The following LRRTM4 variants were observed in gnomAD, a reference collection of about 807,000 sequenced individuals.
LRRTM4 encodes leucine rich repeat transmembrane neuronal 4.
LRRTM4 carries 25 observed loss-of-function variants against 47.6 expected under a neutral mutation model. The observed-to-expected ratio is 0.53, with a 90% CI of 0.38 to 0.73. The LOEUF is 0.73. Ranked by LOEUF, LRRTM4 falls within the 30% of genes least tolerant of loss-of-function variation. The probability of loss-of-function intolerance (pLI) is 0.00; values close to 1 mark genes in which losing one functional copy is unlikely to be tolerated. For missense variants in LRRTM4, 638 were observed against 713.4 expected (o/e 0.89, Z 1.20); for synonymous variants, 311 against 269.5 (o/e 1.15, Z -1.51).
At chr2:77,512,923 T>C (rs531983654) in intron 3 of LRRTM4, among the ~76,000 whole-genome samples, 1 of 152,270 alleles carries the variant, frequency 6.6e-6, no homozygotes, top group South Asian at 2.1e-4. Flanking sequence ...ATTGTCAGTT[T>C]AAAATCTTTC....
intron 3 of LRRTM4, among the ~76,000 whole-genome samples, chr2:77,201,785 T>C (rs1421861955): frequency 6.6e-6 from 1 of 152,124 alleles, no homozygotes; most frequent in Non-Finnish European, 1.5e-5. Context: ...ACAAATGAAA[T>C]AGATTATAAA....
chr2:77,360,988 T>C (rs1672185215), intron 3 of LRRTM4, among the ~76,000 whole-genome samples: 2 of 152,214 alleles, frequency 1.3e-5, no homozygotes, highest in Middle Eastern at 6.8e-3. Context: ...ATCAAACCAC[T>C]GTGCCTCTCT....
intron 3 of LRRTM4, among the ~76,000 whole-genome samples, chr2:77,226,701 G>T (rs145673621): frequency 5.9e-5 from 9 of 152,086 alleles, no homozygotes; most frequent in African/African-American, 9.6e-5. Flanking sequence ...GTTTTCAGGT[G>T]TAGATTTTTG....
intron 3 of LRRTM4, among the ~76,000 whole-genome samples, chr2:77,366,320 G>T (rs1404205885): frequency 6.6e-6 from 1 of 151,740 alleles, no homozygotes; most frequent in South Asian, 2.1e-4. Flanking sequence ...TCCAAGACAC[G>T]TTTTTGTCCC....
At chr2:77,282,997 G>A (rs186715767) in intron 3 of LRRTM4, among the ~76,000 whole-genome samples, 1 of 151,632 alleles carries the variant, frequency 6.6e-6, no homozygotes, top group East Asian at 1.9e-4. Context: ...GACAAAAAGG[G>A]AGCTTCTACA....
chr2:77,332,925 C>A (rs944611320), intron 3 of LRRTM4, among the ~76,000 whole-genome samples: 6 of 152,142 alleles, frequency 3.9e-5, no homozygotes, highest in Admixed American at 6.5e-5. Context: ...ACAATTCCCA[C>A]GTGTCATGGG....
intron 3 of LRRTM4, among the ~76,000 whole-genome samples, chr2:76,896,461 G>GA (rs1030551510): frequency 4.0e-5 from 6 of 151,538 alleles, no homozygotes; most frequent in African/African-American, 9.7e-5. Context: ...CCTATTCTAT[G>GA]AAAAAAAATC....
chr2:76,897,350 A>C (rs118095121), intron 3 of LRRTM4, among the ~76,000 whole-genome samples: 1 of 152,158 alleles, frequency 6.6e-6, no homozygotes, highest in Non-Finnish European at 1.5e-5. Flanking sequence ...CTAAAATAAA[A>C]GTAAGAGCTT....
chr2:77,413,816 A>G (rs900733491), intron 3 of LRRTM4, among the ~76,000 whole-genome samples: 8 of 150,014 alleles, frequency 5.3e-5, no homozygotes, highest in Non-Finnish European at 1.2e-4. Context: ...ACCAACAGGC[A>G]AACATTGATA....
intron 3 of LRRTM4, among the ~76,000 whole-genome samples, chr2:77,242,927 T>G (rs1235042660): frequency 2.0e-5 from 3 of 152,184 alleles, no homozygotes; most frequent in African/African-American, 7.2e-5. Context: ...TACACCCGTG[T>G]TCATAGCAGC....
At chr2:77,203,295 C>T (rs1205939762) in intron 3 of LRRTM4, among the ~76,000 whole-genome samples, 4 of 151,986 alleles carry the variant, frequency 2.6e-5, no homozygotes, top group Non-Finnish European at 5.9e-5. Context: ...CAAAAACAAG[C>T]GTCCAAACAA....
chr2:76,918,775 G>C lies in LRRTM4; in HGVS notation c.1552-169859C>G, dbSNP rs114335522. 2.5e-3 allele frequency among the ~76,000 whole-genome samples: 375 copies of C among 152,154 alleles called. 8 individuals carry two copies. Among genetic ancestry groups the C allele is most frequent in the African/African-American group, 8.7e-3 (361 of 41,518 alleles). The stretch of plus-strand genomic sequence containing the variant: ...GCAGCTAAGCGTGGCCCAGGGTTTG[G>C]CCAATGGAACTTAAGAAGTCTTCAG... On this transcript the variant is annotated intron_variant, in intron 3 of 3. Transcript: ENST00000409884.
intron 3 of LRRTM4, among the ~76,000 whole-genome samples, chr2:76,992,541 G>C (rs1364847866): frequency 1.3e-5 from 2 of 151,320 alleles, no homozygotes; most frequent in African/African-American, 2.4e-5. Flanking sequence ...CAAAGAAAAT[G>C]AAATATCTAG....
At chr2:77,394,183 A>G (rs1673611288) in intron 3 of LRRTM4, among the ~76,000 whole-genome samples, 1 of 151,996 alleles carries the variant, frequency 6.6e-6, no homozygotes, top group Non-Finnish European at 1.5e-5. Flanking sequence ...CTGCTGAAAA[A>G]AAGTGAAAAA....
At chr2:77,019,763 A>G (rs1395022010) in intron 3 of LRRTM4, among the ~76,000 whole-genome samples, 2 of 152,104 alleles carry the variant, frequency 1.3e-5, no homozygotes, top group Non-Finnish European at 2.9e-5. Flanking sequence ...GTAGCAATAG[A>G]TAACTGAACC....
chr2:77,172,612 TAA>T (rs1558617819), intron 3 of LRRTM4, among the ~76,000 whole-genome samples: 2 of 150,646 alleles, frequency 1.3e-5, no homozygotes, highest in African/African-American at 4.9e-5. Flanking sequence ...AAAAAAAAAA[TAA>T]AAATAAATAA....
intron 3 of LRRTM4, among the ~76,000 whole-genome samples, chr2:77,498,825 G>A (rs931328964): frequency 6.6e-5 from 10 of 151,838 alleles, no homozygotes; most frequent in African/African-American, 2.4e-4. Flanking sequence ...AACATGGGAA[G>A]TATATCATCC....
At chr2:77,412,168 G>T (rs942304014) in intron 3 of LRRTM4, among the ~76,000 whole-genome samples, 2 of 152,140 alleles carry the variant, frequency 1.3e-5, no homozygotes, top group Admixed American at 6.5e-5. Context: ...TCTCCTCAGT[G>T]CCAGGAATAG....
intron 3 of LRRTM4, among the ~76,000 whole-genome samples, chr2:76,926,901 G>T (rs1382242535): frequency 1.3e-5 from 2 of 152,090 alleles, no homozygotes; most frequent in African/African-American, 4.8e-5. Flanking sequence ...AAACCTATCA[G>T]AAAAGGTCAT....
Sources: allele counts gnomAD v4.1 joint callset (sites outside exome capture counted in the v4.1 genomes callset), GRCh38; gene constraint gnomAD v4.1.1; transcripts MANE v1.5; gene names NCBI Gene and HGNC (gene_info 2026-07-23, HGNC 2026-07-21).